The following ZNF385C variants were observed in gnomAD, a reference collection of about 807,000 sequenced individuals.
ZNF385C encodes zinc finger protein 385C, also known as CTD-2132N18.2.
Under a neutral mutation model 35.4 loss-of-function variants are expected in ZNF385C, and 28 were observed. The ratio of observed to expected loss-of-function variants is 0.79; its 90% CI spans 0.59 to 1.08. The LOEUF is 1.08. Among genes scored for constraint, ZNF385C ranks in the 50% least tolerant of loss-of-function variants. The pLI is 0.00. For synonymous variants in ZNF385C, 248 were observed against 248.2 expected, an observed-to-expected ratio of 1.00 and a Z score of 0.01; for missense variants, 605 against 595.6, an observed-to-expected ratio of 1.02 and a Z score of -0.16.
rs376229959 is a variant in ZNF385C, at chr17:42,026,955, C to G, written c.1454G>C (p.Arg485Pro). 3.7e-6 allele frequency: 6 copies of G among 1,610,654 alleles called. No homozygotes were observed. In the East Asian group the frequency reaches 8.9e-5, roughly 24 times the overall value. ...PAPILGPALF[R>P]TPAGAVRPAT... Reference sequence around the variant, plus strand: ...AGGGCGGACAGCTCCTGCTGGGGTGCGAAACAGAGCTGGGCCCAGGATGGG... The same window carrying G: ...AGGGCGGACAGCTCCTGCTGGGGTGGGAAACAGAGCTGGGCCCAGGATGGG... Residue 485 changes from arginine (R) to proline (P), a missense_variant, in exon 9 of 9, where the codon CGC (arginine) becomes CCC (proline). Coordinates refer to ENST00000692273, the MANE Select transcript of ZNF385C (RefSeq NM_001392013.1).
At chr17:42,040,126 T>G (rs2052978060) in intron 2 of ZNF385C, 2 of 1,231,400 alleles carry the variant, frequency 1.6e-6, no homozygotes, top group Non-Finnish European at 2.0e-6. Context: ...CCCCTCGCCA[T>G]GCGTGCCCAG....
At chr17:42,034,453 G>T in intron 3 of ZNF385C, 118 bp from the exon 4 acceptor site, 1 of 692,842 alleles carries the variant, frequency 1.4e-6, no homozygotes, top group Non-Finnish European at 2.4e-6. Context: ...TCAGCTTCTA[G>T]GAAGAACTTT....
chr17:42,061,398 T>G (rs2053460129), intron 2 of ZNF385C: 1 of 151,598 alleles, frequency 6.6e-6, no homozygotes, highest in African/African-American at 2.4e-5. Flanking sequence ...TTTTTGCATT[T>G]TTAGTAGAAA....
At chr17:42,049,164 T>C (rs2053234336) in intron 2 of ZNF385C, among the ~76,000 whole-genome samples, 1 of 152,294 alleles carries the variant, frequency 6.6e-6, no homozygotes, top group African/African-American at 2.4e-5. Context: ...GTGCTGTCCC[T>C]TCTTCCAGAA....
At chr17:42,094,547 G>A (rs2053897957) in intron 1 of ZNF385C, among the ~76,000 whole-genome samples, 1 of 152,304 alleles carries the variant, frequency 6.6e-6, no homozygotes, top group South Asian at 2.1e-4. Context: ...AGAAAAAAGA[G>A]CTAGACGGGT....
In ZNF385C at chr17:42,053,628, T is replaced by C. The variant is rs2053323517; in HGVS notation, c.250+9179A>G. Among the ~76,000 whole-genome samples, 6 of 152,118 alleles carry C rather than the reference T, an allele frequency of 3.9e-5. No individual in the cohort carries two copies. In the South Asian group the frequency reaches 1.2e-3, roughly 32 times the overall value. On this transcript the variant is annotated intron_variant, in intron 2 of 8. Coordinates refer to ENST00000692273, the MANE Select transcript of ZNF385C (RefSeq NM_001392013.1). ...CCAGCTCCCCAGCATTCCTACCCTT[T>C]CTTTCACCTTTGTTCTCGGCCAGAG... is the stretch of plus-strand genomic sequence containing the variant.
chr17:42,042,021 TC>T (rs1321551813), intron 2 of ZNF385C, among the ~76,000 whole-genome samples: 2 of 152,170 alleles, frequency 1.3e-5, no homozygotes, highest in African/African-American at 4.8e-5. Context: ...TGAAACACAT[TC>T]GAGTTTTTCA....
At chr17:42,064,538 G>T (rs528061002) in intron 1 of ZNF385C, among the ~76,000 whole-genome samples, 2 of 152,126 alleles carry the variant, frequency 1.3e-5, no homozygotes, top group African/African-American at 4.8e-5. Flanking sequence ...GGTCATACCG[G>T]TGGGCCCTAA....
At chr17:42,064,635 C>T (rs977077216) in intron 1 of ZNF385C, among the ~76,000 whole-genome samples, 5 of 152,000 alleles carry the variant, frequency 3.3e-5, no homozygotes, top group African/African-American at 1.2e-4. Flanking sequence ...TCTCGGCTCA[C>T]TGCAACCTCC....
At chr17:42,057,369 C>T (rs1393602043) in intron 2 of ZNF385C, among the ~76,000 whole-genome samples, 2 of 152,182 alleles carry the variant, frequency 1.3e-5, no homozygotes, top group East Asian at 3.9e-4. Context: ...TAGGTCATTG[C>T]TCCTTGCCCA....
intron 1 of ZNF385C, among the ~76,000 whole-genome samples, chr17:42,097,561 A>C (rs2053930946): frequency 6.6e-6 from 1 of 152,062 alleles, no homozygotes; most frequent in South Asian, 2.1e-4. Flanking sequence ...TCTATAATCC[A>C]GGGTCCTCTG....
At chr17:42,043,147 AGCAGGGCGTGGCGCT>A (rs2053066874) in intron 2 of ZNF385C, 1 of 1,232,094 alleles carries the variant, frequency 8.1e-7, no homozygotes, top group African/African-American at 1.6e-5. Context: ...CACGTGGCGC[AGCAGGGCGTGGCGCT>A]GGAAGTTGTC....
At chr17:42,087,107 G>A (rs569092038) in intron 1 of ZNF385C, among the ~76,000 whole-genome samples, 2 of 152,222 alleles carry the variant, frequency 1.3e-5, no homozygotes, top group African/African-American at 4.8e-5. Flanking sequence ...ACAGGCGTGA[G>A]GCCTGTATAC....
intron 6 of ZNF385C, 137 bp downstream of exon 6, chr17:42,028,646 T>C: frequency 1.8e-6 from 2 of 1,129,644 alleles, no homozygotes; most frequent in South Asian, 3.3e-5. Context: ...AAACGTCCGT[T>C]CAGTAACACA....
At chr17:42,088,806 G>C (rs557965105) in intron 1 of ZNF385C, among the ~76,000 whole-genome samples, 40 of 152,238 alleles carry the variant, frequency 2.6e-4, no homozygotes, top group Middle Eastern at 3.4e-3. Context: ...TGGGATCCTG[G>C]GGAGTGGGAC....
rs143513868 is a variant in ZNF385C, at chr17:42,047,472, G to A, written c.251-9587C>T. 3.9e-3 allele frequency among the ~76,000 whole-genome samples: 590 copies of A among 152,164 alleles called. 3 individuals are homozygous for A. Among genetic ancestry groups the A allele is most frequent in the Middle Eastern group, 0.027 (8 of 294 alleles). On this transcript the variant is annotated intron_variant, in intron 2 of 8. Coordinates refer to ENST00000692273, the MANE Select transcript of ZNF385C (RefSeq NM_001392013.1). Reference sequence around the variant, plus strand: ...TTACAGGCGCCTGGCCCAATTAGACGATCTGAAGCTCTGAGACTGCAGTAA... The same window carrying A: ...TTACAGGCGCCTGGCCCAATTAGACAATCTGAAGCTCTGAGACTGCAGTAA...
At chr17:42,030,316 C>T (rs1183584207) in intron 5 of ZNF385C, among the ~76,000 whole-genome samples, 3 of 151,996 alleles carry the variant, frequency 2.0e-5, no homozygotes, top group African/African-American at 7.2e-5. Context: ...GGTGAAACCC[C>T]GTTTCTACTA....
intron 1 of ZNF385C, among the ~76,000 whole-genome samples, chr17:42,083,122 T>C (rs1018630462): frequency 1.1e-4 from 16 of 151,880 alleles, no homozygotes; most frequent in Admixed American, 3.9e-4. Flanking sequence ...AGAGACAAAG[T>C]GGCAAATGTA....
At chr17:42,078,794 G>A (rs529961500) in intron 1 of ZNF385C, among the ~76,000 whole-genome samples, 39 of 152,242 alleles carry the variant, frequency 2.6e-4, no homozygotes, top group Non-Finnish European at 4.9e-4. Flanking sequence ...TAAGATGGAA[G>A]GGGGAGGAGG....
Sources: gnomAD v4.1 joint callset for allele counts (sites outside exome capture counted in the v4.1 genomes callset) on GRCh38, gnomAD v4.1.1 for gene constraint, MANE v1.5 for transcripts, NCBI Gene and HGNC (gene_info 2026-07-23, HGNC 2026-07-21) for gene names.